Variants in C12orf50 observed in about 807,000 individuals in gnomAD.
C12orf50 encodes the protein zinc finger CCCH-type containing 11D.
Under a neutral mutation model 61.6 loss-of-function variants are expected in C12orf50, and 35 were observed. That is an observed-to-expected ratio of 0.57 (90% CI 0.43 to 0.75). The LOEUF is 0.75. Among genes scored for constraint, C12orf50 ranks in the 30% least tolerant of loss-of-function variants. C12orf50 has a pLI of 0.00. For synonymous variants in C12orf50, 178 were observed against 161.5 expected (o/e 1.10, Z -0.77); for missense variants, 475 against 488.5 (o/e 0.97, Z 0.26).
intron 3 of C12orf50, among the ~76,000 whole-genome samples, chr12:88,011,441 C>G (rs1015665115): frequency 2.6e-5 from 4 of 152,182 alleles, no homozygotes; most frequent in African/African-American, 9.7e-5. Flanking sequence ...ATTACTCACT[C>G]TTTGCCAAGA....
chr12:87,986,394 C>T lies in C12orf50; in HGVS notation c.840G>A (p.Lys280=). The part of the protein sequence containing the change: ...PSSMNDVQPV[K]KPHFKGVKKR... ...TCTTCACACCTTTAAAATGAGGCTTCTTCACTGGCTGGACATCATTCACTT... is the reference window on the plus strand; with the variant it reads ...TCTTCACACCTTTAAAATGAGGCTTTTTCACTGGCTGGACATCATTCACTT... The change falls in exon 10 of 13, where the codon AAG becomes AAA. Residue 280 remains lysine, a synonymous_variant. Transcript: ENST00000298699. 3 of 1,609,026 alleles carry T rather than the reference C, an allele frequency of 1.9e-6. No homozygotes were observed. Among genetic ancestry groups the T allele is most frequent in the Non-Finnish European group, 2.5e-6 (3 of 1,178,366 alleles).
At chr12:88,009,400 T>A (rs2032013579) in intron 3 of C12orf50, among the ~76,000 whole-genome samples, 1 of 152,110 alleles carries the variant, frequency 6.6e-6, no homozygotes. Context: ...TTAATAAGAC[T>A]GATCATCTTG....
Position 88,007,786 on chromosome 12 carries a change from T to C in C12orf50, c.134-9596A>G, listed in dbSNP as rs190093590. Among the ~76,000 whole-genome samples the C allele has an allele frequency of 5.3e-5, 8 of 152,338 alleles. No individual in the cohort carries two copies. The East Asian group carries it at 1.5e-3, about 29-fold the overall frequency. On this transcript the variant is annotated intron_variant, in intron 3 of 12. Transcript: ENST00000298699. ...TGAAGAGGTAATTTTCTTATATAAT[T>C]GTACTTTGATATGCAATAATTATCA...
At chr12:88,020,823 A>T (rs903078862) in intron 3 of C12orf50, among the ~76,000 whole-genome samples, 1 of 151,982 alleles carries the variant, frequency 6.6e-6, no homozygotes, top group Non-Finnish European at 1.5e-5. Flanking sequence ...AAAAAAATAC[A>T]TCATACCAAC....
At chr12:88,001,049 A>G (rs888762414) in intron 3 of C12orf50, among the ~76,000 whole-genome samples, 17 of 151,842 alleles carry the variant, frequency 1.1e-4, no homozygotes, top group African/African-American at 4.1e-4. Context: ...ACTGCAAATG[A>G]CAAGAATGAA....
At chr12:87,996,693 A>G in intron 4 of C12orf50, 47 bp from the exon 5 acceptor site, 1 of 1,419,466 alleles carries the variant, frequency 7.0e-7, no homozygotes, top group Non-Finnish European at 9.7e-7. Context: ...AAGCCAATTA[A>G]TCTGAAAATT....
chr12:87,982,335 G>A (rs1405012479), intron 12 of C12orf50, among the ~76,000 whole-genome samples: 1 of 152,056 alleles, frequency 6.6e-6, no homozygotes, highest in Non-Finnish European at 1.5e-5. Context: ...GGAAAGATGG[G>A]GGGAAAATGG....
chr12:88,015,003 G>C (rs929047129), intron 3 of C12orf50, among the ~76,000 whole-genome samples: 2 of 151,806 alleles, frequency 1.3e-5, no homozygotes, highest in Non-Finnish European at 2.9e-5. Context: ...TTATTTTTTT[G>C]CATGTTTTGA....
At chr12:88,016,157 C>T (rs906113048) in intron 3 of C12orf50, among the ~76,000 whole-genome samples, 7 of 152,022 alleles carry the variant, frequency 4.6e-5, no homozygotes, top group African/African-American at 1.7e-4. Context: ...ACAGGTTGCA[C>T]ATTTAAATAT....
intron 3 of C12orf50, among the ~76,000 whole-genome samples, chr12:88,012,252 T>C (rs979600497): frequency 6.6e-6 from 1 of 152,204 alleles, no homozygotes; most frequent in African/African-American, 2.4e-5. Flanking sequence ...TTCTATGCTT[T>C]GTCAATTTTC....
At chr12:87,998,988 G>T (rs935879405) in intron 3 of C12orf50, among the ~76,000 whole-genome samples, 8 of 151,704 alleles carry the variant, frequency 5.3e-5, no homozygotes, top group Non-Finnish European at 1.2e-4. Context: ...CAAAATGAAA[G>T]ATCTGACACT....
chr12:88,003,849 AAT>A (rs2031748722), intron 3 of C12orf50, among the ~76,000 whole-genome samples: 1 of 152,002 alleles, frequency 6.6e-6, no homozygotes, highest in Non-Finnish European at 1.5e-5. Context: ...TTAATTTTTT[AAT>A]TAAATCTGGG....
chr12:88,018,062 C>T (rs576571588), intron 3 of C12orf50, among the ~76,000 whole-genome samples: 4 of 152,274 alleles, frequency 2.6e-5, no homozygotes, highest in South Asian at 2.1e-4. Context: ...AACAATAAGC[C>T]GAATGTTAAT....
At position 87,987,953 on chromosome 12, in the gene C12orf50, A is replaced by G. The variant is rs2030916712; in HGVS notation, c.714T>C (p.Ser238=). 1.9e-6 allele frequency: 3 copies of G among 1,598,600 alleles called. No individual in the cohort carries two copies. In the East Asian group the frequency reaches 6.7e-5, roughly 36 times the overall value. Residue 238 remains serine, a synonymous_variant, in exon 9 of 13, where the codon AGT becomes AGC. Coordinates refer to ENST00000298699, the MANE Select transcript of C12orf50 (RefSeq NM_152589.3). ...KCSNTKDNKD[S]PHPKHSLTTR... is the part of the protein sequence containing the mutation. Reference sequence around the variant, plus strand: ...TAGTTAGGGAATGCTTTGGATGAGGACTGTCCTTGTTATCTTTTAAAGCAA... The same window carrying G: ...TAGTTAGGGAATGCTTTGGATGAGGGCTGTCCTTGTTATCTTTTAAAGCAA...
intron 7 of C12orf50, among the ~76,000 whole-genome samples, chr12:87,990,485 T>G (rs960778984): frequency 6.6e-6 from 1 of 152,154 alleles, no homozygotes; most frequent in Non-Finnish European, 1.5e-5. Flanking sequence ...CAAAATGGCT[T>G]TTATTAGAAT....
intron 3 of C12orf50, among the ~76,000 whole-genome samples, chr12:87,999,474 A>T (rs1229852459): frequency 6.6e-6 from 1 of 152,132 alleles, no homozygotes. Flanking sequence ...ACTTCATACT[A>T]CAACGATTAC....
At chr12:88,008,678 A>G (rs188720157) in intron 3 of C12orf50, among the ~76,000 whole-genome samples, 15 of 152,260 alleles carry the variant, frequency 9.9e-5, no homozygotes, top group Admixed American at 3.9e-4. Context: ...CAGAAACTAT[A>G]AAATATATAT....
chr12:87,993,131 A>G (rs1271774747), intron 7 of C12orf50, among the ~76,000 whole-genome samples: 1 of 152,134 alleles, frequency 6.6e-6, no homozygotes, highest in Non-Finnish European at 1.5e-5. Context: ...CTAGTTCATT[A>G]CTCTAACAAT....
intron 3 of C12orf50, among the ~76,000 whole-genome samples, chr12:88,007,135 G>C (rs953470196): frequency 6.6e-6 from 1 of 152,000 alleles, no homozygotes; most frequent in Non-Finnish European, 1.5e-5. Context: ...TTAAATGCAA[G>C]TAGAATTATT....
Sources: allele counts gnomAD v4.1 joint callset (sites outside exome capture counted in the v4.1 genomes callset), GRCh38; gene constraint gnomAD v4.1.1; transcripts MANE v1.5; gene names NCBI Gene and HGNC (gene_info 2026-07-23, HGNC 2026-07-21).